The following ZRANB1 variants were observed in gnomAD, a reference collection of about 807,000 sequenced individuals.
The protein encoded by ZRANB1 is zinc finger RANBP2-type containing 1.
In ZRANB1, 16 loss-of-function variants were observed where a neutral mutation model predicts 80.5. The observed-to-expected ratio is 0.20, with a 90% confidence interval of 0.13 to 0.30. The LOEUF (loss-of-function observed/expected upper bound fraction) is 0.30. ZRANB1 is among the 10% of genes least tolerant of loss of function. The pLI, the probability that ZRANB1 is intolerant of heterozygous loss-of-function variation, is 1.00. For synonymous variants in ZRANB1, 291 were observed against 293.1 expected, an observed-to-expected ratio of 0.99 and a Z score of 0.07; for missense variants, 576 against 862.6, an observed-to-expected ratio of 0.67 and a Z score of 4.16.
chr10:124,973,480 C>T (rs1951845494), intron 3 of ZRANB1, among the ~76,000 whole-genome samples, 165 bp from the exon 4 acceptor site: 1 of 152,180 alleles, frequency 6.6e-6, no homozygotes, highest in Non-Finnish European at 1.5e-5. Flanking sequence ...TTTTATATCA[C>T]ACATGTTACA....
the ZRANB1 span, among the ~76,000 whole-genome samples, chr10:124,923,801 G>A: frequency 6.6e-6 from 1 of 151,658 alleles, no homozygotes; most frequent in Non-Finnish European, 1.5e-5. Context: ...ACAGCATAGG[G>A]GAAACCGCCC....
chr10:124,951,094 A>G (rs995092394), intron 1 of ZRANB1, among the ~76,000 whole-genome samples: 2 of 152,068 alleles, frequency 1.3e-5, no homozygotes, highest in Admixed American at 6.6e-5. Flanking sequence ...ATTCTTTTCA[A>G]TTTGTTTTGG....
chr10:124,957,565 C>T (rs1951696783), intron 1 of ZRANB1, among the ~76,000 whole-genome samples: 1 of 152,104 alleles, frequency 6.6e-6, no homozygotes, highest in African/African-American at 2.4e-5. Flanking sequence ...CTCCATTCCC[C>T]CTTCCTCCAG....
chr10:124,949,934 GT>G (rs1012238663), intron 1 of ZRANB1, among the ~76,000 whole-genome samples: 3 of 152,138 alleles, frequency 2.0e-5, no homozygotes, highest in African/African-American at 7.2e-5. Context: ...ACATGCAGTG[GT>G]GTTCCCTGTT....
rs570531134 is a variant in ZRANB1 at position 124,970,999 on chromosome 10, T to G, written c.1003-966T>G. Among the ~76,000 whole-genome samples the G allele has an allele frequency of 3.0e-3, 462 of 152,204 alleles. 3 individuals are homozygous for G. Among genetic ancestry groups the G allele is most frequent in the Non-Finnish European group, 5.0e-3 (342 of 68,014 alleles). Reference sequence around the variant, plus strand: ...ACTACAGCTAATTTTTGTAGTAGTATTTTTAGTAGAGACAGGGTTTCATCA... The same window carrying G: ...ACTACAGCTAATTTTTGTAGTAGTAGTTTTAGTAGAGACAGGGTTTCATCA... On this transcript the variant is annotated intron_variant, in intron 2 of 8. Coordinates refer to ENST00000359653, the MANE Select transcript of ZRANB1 (RefSeq NM_017580.3).
Position 124,966,628 on chromosome 10 carries a change from A to G in ZRANB1, c.849A>G (p.Ala283=), listed in dbSNP as rs1280413351. The change falls in exon 2 of 9, where the codon GCA becomes GCG. Residue 283 remains alanine, a synonymous_variant. Coordinates refer to ENST00000359653, the MANE Select transcript of ZRANB1 (RefSeq NM_017580.3). The part of the protein sequence containing the change: ...VVEGDLAAIE[A]YKSSGGDIAR... ...AAGGTGATTTAGCTGCCATAGAAGC[A>G]TACAAGTCATCAGGAGGAGACATTG... The G allele has an allele frequency of 6.2e-7, 1 of 1,614,178 alleles. No individual in the cohort carries two copies. Among genetic ancestry groups the G allele is most frequent in the East Asian group, 2.2e-5 (1 of 44,878 alleles).
In ZRANB1 at chr10:124,983,396, G is replaced by C; in HGVS notation, c.1679-63G>C. 6.3e-7 allele frequency: 1 copy of C among 1,590,804 alleles called. No homozygotes were observed. Among genetic ancestry groups the C allele is most frequent in the Non-Finnish European group, 8.6e-7 (1 of 1,165,498 alleles). On this transcript the variant is annotated intron_variant, in intron 7 of 8. Coordinates refer to ENST00000359653, the MANE Select transcript of ZRANB1 (RefSeq NM_017580.3). This position sits in a 1 kb window ranked among gnomAD's most constrained non-coding sequence, Gnocchi z 6.2. ...GCAGTGGACAGGGGAATGTGAACAA[G>C]GGCAGTGAGGGAGTGGCTCTTTCTT...
chr10:124,960,493 G>A (rs900649279), intron 1 of ZRANB1, among the ~76,000 whole-genome samples: 12 of 152,124 alleles, frequency 7.9e-5, no homozygotes, highest in Non-Finnish European at 1.5e-4. Flanking sequence ...GTGCAATGGC[G>A]TGATCATAGC....
At chr10:124,970,096 AAT>A (rs1186878467) in intron 2 of ZRANB1, among the ~76,000 whole-genome samples, 1 of 152,148 alleles carries the variant, frequency 6.6e-6, no homozygotes, top group African/African-American at 2.4e-5. Flanking sequence ...TTACTTGAGA[AAT>A]AGTCAATTAT....
At chr10:124,981,526 T>C (rs1951933657) in intron 5 of ZRANB1, 183 bp from the exon 6 acceptor site, 2 of 516,020 alleles carry the variant, frequency 3.9e-6, no homozygotes, top group Non-Finnish European at 6.5e-6. Flanking sequence ...TGTTACAAGG[T>C]ATCTGCTAGT....
chr10:124,920,491 C>T, the ZRANB1 span, among the ~76,000 whole-genome samples: 1 of 152,166 alleles, frequency 6.6e-6, no homozygotes, highest in African/African-American at 2.4e-5. Context: ...TCTCTGTAGT[C>T]TGGAACTGAT....
At chr10:124,949,005 T>C (rs1951608003) in intron 1 of ZRANB1, among the ~76,000 whole-genome samples, 1 of 152,020 alleles carries the variant, frequency 6.6e-6, no homozygotes, top group South Asian at 2.1e-4. Flanking sequence ...CCAGTTTTAC[T>C]TCTCACTGGT....
At position 124,981,976 on chromosome 10, in the gene ZRANB1, A is replaced by G; in HGVS notation, c.1548+147A>G. ...TCATCAGTCAACTTGGGTTCTAGTGATGACTGCTGTGTATCAAATAAATAG... is the reference window on the plus strand; with the variant it reads ...TCATCAGTCAACTTGGGTTCTAGTGGTGACTGCTGTGTATCAAATAAATAG... On this transcript the variant is annotated intron_variant, in intron 6 of 8. Coordinates refer to ENST00000359653, the MANE Select transcript of ZRANB1 (RefSeq NM_017580.3). 4 of 923,342 alleles carry G rather than the reference A, an allele frequency of 4.3e-6. No homozygotes were observed. In the South Asian group the frequency reaches 6.2e-5, roughly 14 times the overall value. The allele number at this position is 923,342 out of a possible 1,614,324, so 57.2% of individuals were successfully genotyped here.
At chr10:124,962,440 A>G in intron 1 of ZRANB1, 1 of 979,142 alleles carries the variant, frequency 1.0e-6, no homozygotes, top group Non-Finnish European at 1.2e-6. Context: ...ACCATTTGGC[A>G]TTCTTTTCAA....
At chr10:124,968,717 TGAAA>T (rs1200876940) in intron 2 of ZRANB1, among the ~76,000 whole-genome samples, 1 of 151,938 alleles carries the variant, frequency 6.6e-6, no homozygotes, top group Non-Finnish European at 1.5e-5. Context: ...TGAACTAGGG[TGAAA>T]GTCTTAAGGG....
the ZRANB1 span, among the ~76,000 whole-genome samples, chr10:124,919,843 C>T: frequency 1.3e-5 from 2 of 149,764 alleles, no homozygotes; most frequent in African/African-American, 5.0e-5. Context: ...GATCTCCTGA[C>T]CTTGTGATCC....
At chr10:124,922,274 TATGTAAA>T in the ZRANB1 span, among the ~76,000 whole-genome samples, 258 of 120,862 alleles carry the variant, frequency 2.1e-3, 2 homozygotes, top group African/African-American at 7.8e-3. Flanking sequence ...TATATATATA[TATGTAAA>T]ATATATATAT....
At chr10:124,922,278 T>TAAAATATATATATATATGTAA in the ZRANB1 span, among the ~76,000 whole-genome samples, 3 of 38,600 alleles carry the variant, frequency 7.8e-5, no homozygotes, top group Admixed American at 2.6e-4. Flanking sequence ...TATATATATG[T>TAAAATATATATATATATGTAA]AAAATATATA....
At chr10:124,963,566 T>TTTTTTTTTTTTTTTTTTTTTTG (rs1564962082) in intron 1 of ZRANB1, among the ~76,000 whole-genome samples, 1 of 134,198 alleles carries the variant, frequency 7.5e-6, no homozygotes. Context: ...TTTTTTTTTT[T>TTTTTTTTTTTTTTTTTTTTTTG]TTTTTTTTTT....
Sources: allele counts gnomAD v4.1 joint callset (sites outside exome capture counted in the v4.1 genomes callset), GRCh38; gene constraint gnomAD v4.1.1; non-coding constraint Gnocchi (gnomAD v3.1); transcripts MANE v1.5; gene names NCBI Gene and HGNC (gene_info 2026-07-23, HGNC 2026-07-21).